The following MBOAT1 variants were observed in gnomAD, a reference collection of about 807,000 sequenced individuals.
The protein encoded by MBOAT1 is membrane bound glycerophospholipid O-acyltransferase 1, also known as membrane-bound glycerophospholipid O-acyltransferase 1.
Under a neutral mutation model 64.4 loss-of-function variants are expected in MBOAT1, and 67 were observed. The observed-to-expected ratio is 1.04, with a 90% CI of 0.85 to 1.27. MBOAT1 has a LOEUF of 1.27. Ranked by LOEUF, MBOAT1 falls within the 50% of genes most tolerant of loss-of-function variation. The pLI is 0.00. For missense variants in MBOAT1, 563 were observed against 604.6 expected, an observed-to-expected ratio of 0.93 and a Z score of 0.72; for synonymous variants, 229 against 218.9, an observed-to-expected ratio of 1.05 and a Z score of -0.41.
chr6:20,142,095 T>C (rs973210394), intron 4 of MBOAT1, among the ~76,000 whole-genome samples: 17 of 152,110 alleles, frequency 1.1e-4, no homozygotes, highest in Non-Finnish European at 2.1e-4. Flanking sequence ...GAAGAAGATA[T>C]ATACAGGCAA....
intron 4 of MBOAT1, among the ~76,000 whole-genome samples, 179 bp from the exon 5 acceptor site, chr6:20,131,378 TAGTG>T (rs2113660762): frequency 6.6e-6 from 1 of 152,340 alleles, no homozygotes; most frequent in Middle Eastern, 3.4e-3. Flanking sequence ...GTTCTCGTGA[TAGTG>T]AGTGAGTTCT....
chr6:20,119,857 A>C (rs1760441410), intron 8 of MBOAT1, among the ~76,000 whole-genome samples: 1 of 152,216 alleles, frequency 6.6e-6, no homozygotes, highest in Non-Finnish European at 1.5e-5. Flanking sequence ...GTTGAGAACT[A>C]AAACCAGAGC....
At chr6:20,117,340 A>C (rs1445714448) in intron 9 of MBOAT1, among the ~76,000 whole-genome samples, 1 of 152,336 alleles carries the variant, frequency 6.6e-6, no homozygotes, top group African/African-American at 2.4e-5. Flanking sequence ...TGATGAGTTT[A>C]CGTTGAATAT....
At chr6:20,155,075 A>C (rs1352540807) in intron 1 of MBOAT1, among the ~76,000 whole-genome samples, 1 of 152,234 alleles carries the variant, frequency 6.6e-6, no homozygotes, top group Non-Finnish European at 1.5e-5. Flanking sequence ...AATTTCCTGC[A>C]TTCTTTTTGA....
chr6:20,128,899 T>G, intron 5 of MBOAT1, 146 bp from the exon 6 acceptor site: 1 of 604,200 alleles, frequency 1.7e-6, no homozygotes, highest in Non-Finnish European at 2.8e-6. Context: ...CATTTTTTTT[T>G]AATGCCCTGG....
chr6:20,125,579 C>T (rs768221756), intron 7 of MBOAT1, among the ~76,000 whole-genome samples: 2 of 152,170 alleles, frequency 1.3e-5, no homozygotes, highest in South Asian at 2.1e-4. Flanking sequence ...AATAAAAGCA[C>T]GAGAAGCGTG....
Position 20,126,596 on chromosome 6 carries a change from C to G in MBOAT1, c.635G>C (p.Gly212Ala). 6.2e-7 allele frequency: 1 copy of G among 1,613,976 alleles called. No individual in the cohort carries two copies. The highest frequency in any genetic ancestry group is 1.1e-5 in the South Asian group (1 of 91,018). Residue 212 changes from glycine (G) to alanine (A), a missense_variant, in exon 7 of 13, where the codon GGG (glycine) becomes GCG (alanine). Transcript: ENST00000324607. The stretch of plus-strand genomic sequence containing the variant: ...CAGCAACTTCATGTGTATATGCTTC[C>G]CCTCAATGAAGGCTATGTAGTCCTT... ...NFKDYIAFIEGKHIHMKLLEV... is the reference protein window; with the variant it reads ...NFKDYIAFIEAKHIHMKLLEV...
chr6:20,177,880 C>A (rs1021709398), intron 1 of MBOAT1, among the ~76,000 whole-genome samples: 3 of 152,062 alleles, frequency 2.0e-5, no homozygotes, highest in Non-Finnish European at 4.4e-5. Flanking sequence ...TCTCTTTCCC[C>A]AAAGCTCAGC....
chr6:20,118,162 A>G (rs1302020919), intron 9 of MBOAT1, among the ~76,000 whole-genome samples: 1 of 152,196 alleles, frequency 6.6e-6, no homozygotes, highest in Non-Finnish European at 1.5e-5. Context: ...AGAAATGTAG[A>G]CAACAAAAAG....
Position 20,126,541 on chromosome 6 carries a change from G to A in MBOAT1, c.690C>T (p.His230=), listed in dbSNP as rs979721055. 6.2e-7 allele frequency: 1 copy of A among 1,612,210 alleles called. No individual in the cohort carries two copies. Among genetic ancestry groups the A allele is most frequent in the Non-Finnish European group, 8.5e-7 (1 of 1,179,582 alleles). ...LEVNWKRKGF[H]SLPEPSPTGA... ...CTGTGGGAGAAGGTTCTGGCAAGCTGTGGAAACCTTTTCGCTTCCAGTTCA... is the reference window on the plus strand; with the variant it reads ...CTGTGGGAGAAGGTTCTGGCAAGCTATGGAAACCTTTTCGCTTCCAGTTCA... The change falls in exon 7 of 13, where the codon CAC becomes CAT. Residue 230 remains histidine (H), a synonymous_variant. Coordinates refer to ENST00000324607, the MANE Select transcript of MBOAT1 (RefSeq NM_001080480.3).
chr6:20,171,717 G>A (rs1035739468), intron 1 of MBOAT1, among the ~76,000 whole-genome samples: 1 of 151,912 alleles, frequency 6.6e-6, no homozygotes. Flanking sequence ...ACTGAAAGCA[G>A]AAAATCATTT....
chr6:20,153,771 T>C (rs1186428998), intron 1 of MBOAT1, among the ~76,000 whole-genome samples: 3 of 152,204 alleles, frequency 2.0e-5, no homozygotes, highest in African/African-American at 7.2e-5. Context: ...CTCAGTGGTC[T>C]ACCTCTTGAG....
At chr6:20,186,841 A>C (rs1054352674) in intron 1 of MBOAT1, among the ~76,000 whole-genome samples, 2 of 152,200 alleles carry the variant, frequency 1.3e-5, no homozygotes, top group East Asian at 3.8e-4. Context: ...ATTTCTAGTT[A>C]ATTTAACAGG....
intron 1 of MBOAT1, among the ~76,000 whole-genome samples, chr6:20,165,757 A>G (rs1762000173): frequency 6.9e-6 from 1 of 144,252 alleles, no homozygotes; most frequent in South Asian, 2.2e-4. Context: ...AAAAAAAAAA[A>G]GAATAGGGAA....
chr6:20,166,312 T>C (rs937700130), intron 1 of MBOAT1, among the ~76,000 whole-genome samples: 1 of 152,140 alleles, frequency 6.6e-6, no homozygotes, highest in African/African-American at 2.4e-5. Flanking sequence ...TAGATTTTCA[T>C]AGAGAGAGGT....
At chr6:20,168,497 G>GAGACAGAGACAGAGACAGAGAC (rs1561773000) in intron 1 of MBOAT1, among the ~76,000 whole-genome samples, 7 of 124,544 alleles carry the variant, frequency 5.6e-5, no homozygotes, top group African/African-American at 2.6e-4. Flanking sequence ...GAGACAGAGA[G>GAGACAGAGACAGAGACAGAGAC]AGAGAGAGAG....
At chr6:20,134,936 A>T (rs1760935526) in intron 4 of MBOAT1, among the ~76,000 whole-genome samples, 1 of 150,372 alleles carries the variant, frequency 6.7e-6, no homozygotes. Context: ...AAAAAAATAC[A>T]AAACTCAGTA....
rs1200229172 is a variant in MBOAT1 at position 20,118,622 on chromosome 6, C to T, written c.908-82G>A. 38 of 1,112,872 alleles carry T rather than the reference C, an allele frequency of 3.4e-5. 1 individual carries two copies. The South Asian group carries it at 4.8e-4, about 14-fold the overall frequency. The allele number at this position is 1,112,872 out of a possible 1,614,324, so 68.9% of individuals were successfully genotyped here. A position where few individuals can be genotyped will look rare whatever the true frequency, so the allele number is the denominator to read the frequency against. On this transcript the variant is annotated intron_variant, in intron 8 of 12. Transcript: ENST00000324607. Reference sequence around the variant, plus strand: ...TAAAAGACACTAAATATCTGTCTAGCTTCAAGATGGAGAAATATGCAGTAG... The same window carrying T: ...TAAAAGACACTAAATATCTGTCTAGTTTCAAGATGGAGAAATATGCAGTAG...
intron 1 of MBOAT1, among the ~76,000 whole-genome samples, chr6:20,168,233 C>A (rs182742870): frequency 1.8e-3 from 280 of 152,088 alleles, no homozygotes; most frequent in Non-Finnish European, 2.4e-3. Context: ...AAAAATTAAT[C>A]AAAAAATATA....
Sources: allele counts gnomAD v4.1 joint callset (sites outside exome capture counted in the v4.1 genomes callset), GRCh38; gene constraint gnomAD v4.1.1; transcripts MANE v1.5; gene names NCBI Gene and HGNC (gene_info 2026-07-23, HGNC 2026-07-21).